DDAH1: variants seen among roughly 807,000 people sequenced by gnomAD.
DDAH1 encodes the protein dimethylarginine dimethylaminohydrolase 1.
Under a neutral mutation model 28.8 loss-of-function variants are expected in DDAH1, and 19 were observed. That is an observed-to-expected ratio of 0.66 (90% CI 0.46 to 0.97). DDAH1 has a LOEUF of 0.97. DDAH1 is among the 50% of genes least tolerant of loss of function. DDAH1 has a pLI of 0.00. For synonymous variants in DDAH1, 153 were observed against 154.4 expected (o/e 0.99, Z 0.07); for missense variants, 326 against 375.9 (o/e 0.87, Z 1.10).
intron 1 of DDAH1, chr1:85,435,238 T>C (rs150732799): frequency 2.0e-5 from 3 of 152,340 alleles, no homozygotes; most frequent in Non-Finnish European, 4.4e-5. Context: ...GTTCGACCTG[T>C]AACTGACTGT....
intron 1 of DDAH1, among the ~76,000 whole-genome samples, chr1:85,554,276 G>GTTTTTTTTTTTTTTTTTTT (rs368410411): frequency 9.0e-6 from 1 of 110,726 alleles, no homozygotes; most frequent in African/African-American, 3.6e-5. Flanking sequence ...AATTGTAAGA[G>GTTTTTTTTTTTTTTTTTTT]TTTTTTTTTT....
intron 4 of DDAH1, among the ~76,000 whole-genome samples, chr1:85,325,331 ACACGTGTGTGCATG>A (rs1286443928): frequency 2.0e-5 from 3 of 150,860 alleles, no homozygotes; most frequent in Non-Finnish European, 4.4e-5. Context: ...CAGTAACACC[ACACGTGTGTGCATG>A]CACGTGCGTG....
chr1:85,404,535 T>C (rs1021619125), intron 1 of DDAH1: 29 of 1,372,746 alleles, frequency 2.1e-5, no homozygotes, highest in African/African-American at 4.4e-5. Context: ...TAACACTAAC[T>C]GCAGCTCCAG....
intron 1 of DDAH1, among the ~76,000 whole-genome samples, chr1:85,394,159 G>A (rs1314266913): frequency 6.6e-6 from 1 of 152,232 alleles, no homozygotes; most frequent in Non-Finnish European, 1.5e-5. Flanking sequence ...ATATAACAAT[G>A]TGGGGAGGTA....
chr1:85,570,077 C>G (rs1659408334), intron 1 of DDAH1, among the ~76,000 whole-genome samples: 1 of 152,144 alleles, frequency 6.6e-6, no homozygotes, highest in Non-Finnish European at 1.5e-5. Flanking sequence ...TGAAACAAGA[C>G]TTCATTCAAT....
chr1:85,456,543 A>G (rs1186270604), intron 1 of DDAH1, among the ~76,000 whole-genome samples: 1 of 152,252 alleles, frequency 6.6e-6, no homozygotes, highest in African/African-American at 2.4e-5. Flanking sequence ...TTTATTTTAA[A>G]GTAGGCTTTG....
intron 1 of DDAH1, among the ~76,000 whole-genome samples, chr1:85,389,966 C>T (rs1458344434): frequency 6.6e-6 from 1 of 152,176 alleles, no homozygotes; most frequent in Non-Finnish European, 1.5e-5. Flanking sequence ...TTCTAGAAGA[C>T]CTCAACTTCT....
intron 1 of DDAH1, among the ~76,000 whole-genome samples, chr1:85,390,925 T>C (rs1240978232): frequency 6.6e-6 from 1 of 152,164 alleles, no homozygotes; most frequent in Non-Finnish European, 1.5e-5. Context: ...ACAAGACCAT[T>C]CATATAACTG....
At chr1:85,556,427 C>T (rs149271764) in intron 1 of DDAH1, among the ~76,000 whole-genome samples, 13 of 152,214 alleles carry the variant, frequency 8.5e-5, no homozygotes, top group African/African-American at 2.6e-4. Context: ...TTCCTACATG[C>T]GGGTGAGAAA....
Position 85,321,297 on chromosome 1 carries a change from G to A in DDAH1, c.*155C>T. Reference sequence around the variant, plus strand: ...CCTCGAGGGGAGGGAGGGTGGGGGTGTTGAATGAAGCAATTCAACTTAGAA... The same window carrying A: ...CCTCGAGGGGAGGGAGGGTGGGGGTATTGAATGAAGCAATTCAACTTAGAA... On this transcript the variant is annotated 3_prime_UTR_variant, in exon 6 of 6. Coordinates refer to ENST00000284031, the MANE Select transcript of DDAH1 (RefSeq NM_012137.4). The A allele has an allele frequency of 1.6e-6, 1 of 626,496 alleles. No homozygotes were observed. Among genetic ancestry groups the A allele is most frequent in the Non-Finnish European group, 2.9e-6 (1 of 349,602 alleles). 38.8% of individuals were successfully genotyped at this position (626,496 alleles called of 1,614,324 possible).
intron 1 of DDAH1, among the ~76,000 whole-genome samples, chr1:85,364,127 G>T (rs966151404): frequency 1.3e-5 from 2 of 152,038 alleles, no homozygotes; most frequent in African/African-American, 4.8e-5. Flanking sequence ...GGCTAAGGGA[G>T]GTTGACTGAC....
At chr1:85,507,599 A>G (rs977107428) in intron 1 of DDAH1, among the ~76,000 whole-genome samples, 1 of 152,180 alleles carries the variant, frequency 6.6e-6, no homozygotes, top group African/African-American at 2.4e-5. Flanking sequence ...ATCATTTCTA[A>G]TAAAATTAAT....
At chr1:85,481,104 T>TG (rs1655998998) in intron 2 of DDAH1, among the ~76,000 whole-genome samples, 1 of 132,534 alleles carries the variant, frequency 7.5e-6, no homozygotes, top group Admixed American at 7.1e-5. Flanking sequence ...TTTTGTTTTT[T>TG]TTTTTTTTTT....
chr1:85,538,391 T>A (rs1658357906), intron 1 of DDAH1, among the ~76,000 whole-genome samples: 1 of 152,178 alleles, frequency 6.6e-6, no homozygotes, highest in Admixed American at 6.5e-5. Context: ...CCAAGAAACT[T>A]CAAGGTGAAT....
At chr1:85,388,396 TAGAC>T (rs1340774085) in intron 1 of DDAH1, among the ~76,000 whole-genome samples, 4 of 152,256 alleles carry the variant, frequency 2.6e-5, no homozygotes, top group African/African-American at 7.2e-5. Context: ...GTCATATAAA[TAGAC>T]AGTAATTGTC....
intron 1 of DDAH1, among the ~76,000 whole-genome samples, chr1:85,367,885 A>G (rs949532319): frequency 8.5e-5 from 13 of 152,192 alleles, no homozygotes; most frequent in Non-Finnish European, 8.8e-5. Flanking sequence ...AGAGCCCTGG[A>G]GTTCTTAATA....
At chr1:85,509,875 C>T (rs1209046329) in intron 1 of DDAH1, among the ~76,000 whole-genome samples, 1 of 152,082 alleles carries the variant, frequency 6.6e-6, no homozygotes, top group Non-Finnish European at 1.5e-5. Flanking sequence ...GGTGTACCTG[C>T]AAGTGATGGG....
intron 1 of DDAH1, among the ~76,000 whole-genome samples, chr1:85,510,421 C>T (rs140817284): frequency 0.01 from 1,549 of 152,300 alleles, 13 homozygotes; most frequent in Non-Finnish European, 0.018. Flanking sequence ...ACCATTGATG[C>T]TATGAAGAAA....
At chr1:85,563,207 G>A (rs941849306) in intron 1 of DDAH1, among the ~76,000 whole-genome samples, 1 of 152,148 alleles carries the variant, frequency 6.6e-6, no homozygotes, top group African/African-American at 2.4e-5. Context: ...TGCTGGACAG[G>A]AAAGAGCTAC....
Sources: allele counts gnomAD v4.1 joint callset (sites outside exome capture counted in the v4.1 genomes callset), GRCh38; gene constraint gnomAD v4.1.1; transcripts MANE v1.5; gene names NCBI Gene and HGNC (gene_info 2026-07-23, HGNC 2026-07-21).